ITGB5: variants seen among roughly 807,000 people sequenced by gnomAD.
ITGB5 encodes integrin beta-5.
A neutral mutation model predicts 84.8 loss-of-function variants in ITGB5; 38 were observed. The ratio of observed to expected loss-of-function variants is 0.45; its 90% CI spans 0.35 to 0.59. The LOEUF is 0.59. ITGB5 is among the 20% of genes least tolerant of loss of function. The pLI is 0.01. For synonymous variants in ITGB5, 393 were observed against 414.4 expected, an observed-to-expected ratio of 0.95 and a Z score of 0.63; for missense variants, 905 against 1,034.5, an observed-to-expected ratio of 0.87 and a Z score of 1.72.
At position 124,845,248 on chromosome 3, in the gene ITGB5, C is replaced by T. The variant is rs371275970; in HGVS notation, c.611+3061G>A. ...AGGAGCTCAAGACCAGCCTGGCCAA[C>T]ATGGTGAAACCCCATCTCTACTAAA... On this transcript the variant is annotated intron_variant, in intron 4 of 14. Coordinates refer to ENST00000296181, the MANE Select transcript of ITGB5 (RefSeq NM_002213.5). 1.8e-4 allele frequency among the ~76,000 whole-genome samples: 28 copies of T among 152,354 alleles called. No homozygotes were observed. In the South Asian group the frequency reaches 5.8e-3, roughly 32 times the overall value.
intron 4 of ITGB5, among the ~76,000 whole-genome samples, chr3:124,842,684 A>C (rs2065026269): frequency 6.6e-6 from 1 of 152,216 alleles, no homozygotes; most frequent in South Asian, 2.1e-4. Context: ...GAAAACGAGC[A>C]CTAACAGGCC....
intron 10 of ITGB5, among the ~76,000 whole-genome samples, chr3:124,774,215 A>G (rs2063890140): frequency 6.6e-6 from 1 of 152,246 alleles, no homozygotes; most frequent in East Asian, 1.9e-4. Flanking sequence ...AGTTGTGTGA[A>G]TAATGGCCCC....
chr3:124,867,452 T>C (rs1488007926), intron 2 of ITGB5, among the ~76,000 whole-genome samples: 1 of 152,206 alleles, frequency 6.6e-6, no homozygotes, highest in African/African-American at 2.4e-5. Flanking sequence ...CTGTCTGCCT[T>C]TGCCTCCTTT....
At chr3:124,763,869 C>T (rs1486000908) in intron 14 of ITGB5, 151 bp from the exon 15 acceptor site, 2 of 574,300 alleles carry the variant, frequency 3.5e-6, no homozygotes, top group African/African-American at 3.8e-5. Context: ...GGCTCTAGGA[C>T]AGCTCTGTGT....
At chr3:124,821,223 G>A in intron 6 of ITGB5, 90 bp downstream of exon 6, 1 of 1,396,300 alleles carries the variant, frequency 7.2e-7, no homozygotes, top group Non-Finnish European at 9.8e-7. Context: ...GAGGGCCAGA[G>A]GAAGGTTTCA....
rs2083425 is a variant in ITGB5, at chr3:124,778,041, G to A, written c.1694-4129C>T. Among the ~76,000 whole-genome samples, 132 of 152,130 alleles carry A rather than the reference G, an allele frequency of 8.7e-4. 2 individuals carry two copies. In the East Asian group the frequency reaches 0.019, roughly 22 times the overall value. ...TGGGGATTGGGAACAACATCCTGGC[G>A]GACAGTGCTCAGAGGACCTAAGTCA... On this transcript the variant is annotated intron_variant, in intron 10 of 14. Coordinates refer to ENST00000296181, the MANE Select transcript of ITGB5 (RefSeq NM_002213.5).
At chr3:124,770,085 C>CA (rs2063820628) in intron 11 of ITGB5, 1 of 152,302 alleles carries the variant, frequency 6.6e-6, no homozygotes, top group South Asian at 2.1e-4. Flanking sequence ...CCTGAGGTCA[C>CA]AGGGTGGGGA....
At chr3:124,770,893 GA>G (rs2063832802) in intron 11 of ITGB5, among the ~76,000 whole-genome samples, 2 of 75,118 alleles carry the variant, frequency 2.7e-5, no homozygotes, top group East Asian at 7.5e-4. Context: ...AGCTGCCCCC[GA>G]TCCCCCACCC....
chr3:124,803,010 C>T (rs2064339916), intron 9 of ITGB5, among the ~76,000 whole-genome samples: 1 of 152,204 alleles, frequency 6.6e-6, no homozygotes, highest in African/African-American at 2.4e-5. Context: ...CATCCAATCC[C>T]ACAGGAAGAG....
intron 12 of ITGB5, 82 bp downstream of exon 12, chr3:124,768,931 C>T: frequency 9.4e-7 from 1 of 1,066,506 alleles, no homozygotes; most frequent in South Asian, 1.4e-5. Flanking sequence ...CTGGGCAGTG[C>T]CTCCTGACTC....
intron 2 of ITGB5, among the ~76,000 whole-genome samples, chr3:124,870,598 G>A (rs1171120732): frequency 2.0e-5 from 3 of 152,088 alleles, no homozygotes; most frequent in Admixed American, 6.6e-5. Flanking sequence ...GTGGTGCCAC[G>A]TGCCTGTAAT....
At chr3:124,778,815 G>A (rs2063961237) in intron 10 of ITGB5, among the ~76,000 whole-genome samples, 2 of 152,200 alleles carry the variant, frequency 1.3e-5, no homozygotes, top group Non-Finnish European at 2.9e-5. Flanking sequence ...TGGAGTGGGA[G>A]GAAGGAGAGG....
chr3:124,771,452 TAAG>T (rs1046467296), intron 11 of ITGB5, among the ~76,000 whole-genome samples: 2 of 151,800 alleles, frequency 1.3e-5, no homozygotes, highest in African/African-American at 2.4e-5. Flanking sequence ...CAGAGACAAA[TAAG>T]AAGGAATAGT....
rs185721832 is a variant in ITGB5, at chr3:124,778,580, G to T, written c.1694-4668C>A. Among the ~76,000 whole-genome samples, 992 of 152,350 alleles carry T rather than the reference G, an allele frequency of 6.5e-3. 4 individuals carry two copies. Among genetic ancestry groups the T allele is most frequent in the Middle Eastern group, 0.014 (4 of 294 alleles). ...AAGCAGTGAGGACAGAATCCAGCCTGCAGGGTGTAAGGAGGTGGTGACAGT... is the reference window on the plus strand; with the variant it reads ...AAGCAGTGAGGACAGAATCCAGCCTTCAGGGTGTAAGGAGGTGGTGACAGT... On this transcript the variant is annotated intron_variant, in intron 10 of 14. Transcript: ENST00000296181.
At chr3:124,840,433 G>GTTT (rs72077875) in intron 5 of ITGB5, among the ~76,000 whole-genome samples, 43 of 148,494 alleles carry the variant, frequency 2.9e-4, no homozygotes, top group African/African-American at 8.9e-4. Context: ...ATTTAAGAGT[G>GTTT]TTTTTTTTTT....
intron 2 of ITGB5, among the ~76,000 whole-genome samples, chr3:124,867,002 T>C (rs1370785337): frequency 6.6e-6 from 1 of 152,216 alleles, no homozygotes; most frequent in Non-Finnish European, 1.5e-5. Context: ...GTGAGCTGGA[T>C]TGAATATTGA....
At chr3:124,820,389 G>T (rs780690754) in intron 6 of ITGB5, among the ~76,000 whole-genome samples, 6 of 152,372 alleles carry the variant, frequency 3.9e-5, no homozygotes, top group African/African-American at 1.4e-4. Context: ...TGGGGCAGGG[G>T]TGCAGAAAGA....
At chr3:124,854,744 G>T (rs1303267416) in intron 3 of ITGB5, among the ~76,000 whole-genome samples, 1 of 152,124 alleles carries the variant, frequency 6.6e-6, no homozygotes, top group East Asian at 1.9e-4. Flanking sequence ...CCTTAAGTTA[G>T]TGAATTTTAT....
intron 8 of ITGB5, among the ~76,000 whole-genome samples, chr3:124,812,889 C>T (rs1341023794): frequency 6.6e-6 from 1 of 152,206 alleles, no homozygotes; most frequent in African/African-American, 2.4e-5. Flanking sequence ...CAAATCTGCT[C>T]AGAATGTCCC....
Sources: allele counts gnomAD v4.1 joint callset (sites outside exome capture counted in the v4.1 genomes callset), GRCh38; gene constraint gnomAD v4.1.1; transcripts MANE v1.5; gene names NCBI Gene and HGNC (gene_info 2026-07-23, HGNC 2026-07-21).